The following ASIC2 variants were observed in gnomAD, a reference collection of about 807,000 sequenced individuals.
ASIC2 encodes the protein acid sensing ion channel subunit 2.
ASIC2 carries 25 observed loss-of-function variants against 57.3 expected under a neutral mutation model. That is an observed-to-expected ratio of 0.44 (90% CI 0.32 to 0.61). ASIC2 has a LOEUF of 0.61. ASIC2 is among the 20% of genes least tolerant of loss of function. The pLI is 0.06. For synonymous variants in ASIC2, 319 were observed against 307.5 expected (o/e 1.04, Z -0.39); for missense variants, 641 against 738.1 (o/e 0.87, Z 1.52).
intron 1 of ASIC2, among the ~76,000 whole-genome samples, chr17:33,201,752 G>A (rs1906869996): frequency 6.6e-6 from 1 of 152,134 alleles, no homozygotes; most frequent in South Asian, 2.1e-4. Context: ...TGTCTAGGCT[G>A]GGCATGGTGG....
intron 1 of ASIC2, among the ~76,000 whole-genome samples, chr17:33,942,240 T>G (rs1437040210): frequency 5.3e-5 from 8 of 152,102 alleles, no homozygotes; most frequent in Non-Finnish European, 1.0e-4. Context: ...AGTCACAGCT[T>G]GATAGGTGGG....
At chr17:33,664,580 G>A (rs1907408684) in intron 1 of ASIC2, among the ~76,000 whole-genome samples, 1 of 152,084 alleles carries the variant, frequency 6.6e-6, no homozygotes, top group Admixed American at 6.5e-5. Context: ...TGACACTAGT[G>A]CCTCCACTTG....
intron 1 of ASIC2, among the ~76,000 whole-genome samples, chr17:33,698,568 A>G (rs1441391406): frequency 1.3e-5 from 2 of 152,148 alleles, no homozygotes; most frequent in African/African-American, 2.4e-5. Flanking sequence ...AGCAAAGGAG[A>G]GAAAGTGTGA....
intron 1 of ASIC2, among the ~76,000 whole-genome samples, chr17:33,306,615 A>G (rs549658811): frequency 6.6e-6 from 1 of 152,104 alleles, no homozygotes; most frequent in Non-Finnish European, 1.5e-5. Flanking sequence ...TCTCAAGTGC[A>G]TGGCCTGAGA....
intron 1 of ASIC2, among the ~76,000 whole-genome samples, chr17:34,099,259 A>G (rs1043579716): frequency 6.7e-6 from 1 of 148,454 alleles, no homozygotes; most frequent in South Asian, 2.1e-4. Flanking sequence ...GGAAGGAGGG[A>G]AAAGAAAGAA....
At chr17:33,404,436 A>G (rs1243621394) in intron 1 of ASIC2, among the ~76,000 whole-genome samples, 1 of 152,242 alleles carries the variant, frequency 6.6e-6, no homozygotes, top group African/African-American at 2.4e-5. Context: ...CACTTTCAGG[A>G]CAAGAGCAAG....
rs576202842 is a variant in ASIC2, at chr17:33,854,753, C to A, written c.555+301225G>T. 7.8e-4 allele frequency among the ~76,000 whole-genome samples: 119 copies of A among 152,202 alleles called. 2 individuals carry two copies. In the South Asian group the frequency reaches 0.024, roughly 31 times the overall value. On this transcript the variant is annotated intron_variant, in intron 1 of 9. Coordinates refer to the ASIC2 transcript ENST00000359872. ...ACAGCTGAGTCAGCTGGGGCTGAGA[C>A]CTGGGGACCTCTGTCACACAAGTTG...
intron 1 of ASIC2, chr17:33,792,107 C>T (rs905598310): frequency 1.3e-5 from 2 of 152,186 alleles, no homozygotes; most frequent in Non-Finnish European, 2.9e-5. Flanking sequence ...CCACGCCTGG[C>T]CTATTTACAT....
At chr17:33,779,017 G>A (rs77388988) in intron 1 of ASIC2, among the ~76,000 whole-genome samples, 2,061 of 152,248 alleles carry the variant, frequency 0.014, 43 homozygotes, top group African/African-American at 0.047. Flanking sequence ...TGCTAGTGTG[G>A]TGCTTGGCAC....
chr17:33,037,030 TA>T (rs2091911297), intron 3 of ASIC2, among the ~76,000 whole-genome samples: 1 of 148,314 alleles, frequency 6.7e-6, no homozygotes, highest in Admixed American at 6.9e-5. Context: ...GGTGATGTAA[TA>T]ACATGTACAA....
chr17:33,690,470 T>C (rs992346535), intron 1 of ASIC2, among the ~76,000 whole-genome samples: 2 of 152,180 alleles, frequency 1.3e-5, no homozygotes, highest in Non-Finnish European at 2.9e-5. Flanking sequence ...TTCTTCATAG[T>C]ATGATGGCTG....
chr17:33,766,159 A>AGAG (rs1166911404), intron 1 of ASIC2, among the ~76,000 whole-genome samples: 2 of 152,210 alleles, frequency 1.3e-5, no homozygotes, highest in African/African-American at 4.8e-5. Context: ...AGAGAGAGAG[A>AGAG]GGCCACATTT....
chr17:33,474,750 G>A (rs561359913), intron 1 of ASIC2, among the ~76,000 whole-genome samples: 5 of 152,306 alleles, frequency 3.3e-5, no homozygotes, highest in African/African-American at 7.2e-5. Flanking sequence ...AGCCTCCTAT[G>A]GCAGAGGGCA....
chr17:33,850,564 G>C (rs561632413), intron 1 of ASIC2, among the ~76,000 whole-genome samples: 1 of 152,286 alleles, frequency 6.6e-6, no homozygotes, highest in South Asian at 2.1e-4. Context: ...CAGTTGATCT[G>C]CTTGGTTTGA....
At chr17:33,015,561 A>G (rs1220547560) in intron 9 of ASIC2, among the ~76,000 whole-genome samples, 3 of 152,220 alleles carry the variant, frequency 2.0e-5, no homozygotes, top group African/African-American at 4.8e-5. Flanking sequence ...ATGGGGCTCC[A>G]TACTCTATCC....
intron 1 of ASIC2, among the ~76,000 whole-genome samples, chr17:33,432,419 G>T (rs1446086475): frequency 6.6e-6 from 1 of 152,188 alleles, no homozygotes; most frequent in African/African-American, 2.4e-5. Context: ...GGGAGACTCA[G>T]TGGGAGGATC....
intron 1 of ASIC2, among the ~76,000 whole-genome samples, chr17:33,549,329 C>T (rs896754644): frequency 6.6e-6 from 1 of 152,206 alleles, no homozygotes; most frequent in South Asian, 2.1e-4. Flanking sequence ...CCTACTGGCC[C>T]TCAGCAAAGC....
intron 1 of ASIC2, among the ~76,000 whole-genome samples, chr17:33,632,558 G>A (rs891043499): frequency 6.6e-6 from 1 of 152,010 alleles, no homozygotes; most frequent in African/African-American, 2.4e-5. Flanking sequence ...GCTTTTCCCA[G>A]TAAACTATGG....
At chr17:33,784,871 C>A (rs780264471) in intron 1 of ASIC2, among the ~76,000 whole-genome samples, 27 of 152,202 alleles carry the variant, frequency 1.8e-4, no homozygotes, top group Non-Finnish European at 3.5e-4. Flanking sequence ...TTATGACATG[C>A]CTTTTGGGGA....
Sources: gnomAD v4.1 joint callset for allele counts (sites outside exome capture counted in the v4.1 genomes callset) on GRCh38, gnomAD v4.1.1 for gene constraint, MANE v1.5 for transcripts, NCBI Gene and HGNC (gene_info 2026-07-23, HGNC 2026-07-21) for gene names.